The following PM20D2 variants were observed in gnomAD, a reference collection of about 807,000 sequenced individuals.
PM20D2 encodes the protein xaa-Arg dipeptidase.
In PM20D2, 33 loss-of-function variants were observed where a neutral mutation model predicts 42.9. That is an observed-to-expected ratio of 0.77 (90% confidence interval 0.58 to 1.03). PM20D2 has a LOEUF of 1.03. Ranked by LOEUF, PM20D2 falls within the 50% of genes least tolerant of loss-of-function variation. The pLI is 0.00. For synonymous variants in PM20D2, 250 were observed against 228.2 expected, an observed-to-expected ratio of 1.10 and a Z score of -0.86; for missense variants, 548 against 557.0, an observed-to-expected ratio of 0.98 and a Z score of 0.16.
intron 1 of PM20D2, 71 bp from the exon 2 acceptor site, chr6:89,149,194 C>T: frequency 6.6e-7 from 1 of 1,522,440 alleles, no homozygotes; most frequent in Non-Finnish European, 8.9e-7. Flanking sequence ...AATACATATG[C>T]AGGTGAACCT....
the PM20D2 span, chr6:89,098,932 T>C: frequency 1.2e-6 from 2 of 1,613,154 alleles, no homozygotes; most frequent in Non-Finnish European, 8.5e-7. Context: ...TATAAGAAAA[T>C]CGCCTGTGTC....
chr6:89,107,626 G>A, the PM20D2 span, among the ~76,000 whole-genome samples: 1 of 152,122 alleles, frequency 6.6e-6, no homozygotes, highest in Non-Finnish European at 1.5e-5. Context: ...AGCTACTCGG[G>A]AGGCTGAGGC....
intron 5 of PM20D2, among the ~76,000 whole-genome samples, 183 bp downstream of exon 5, chr6:89,158,643 A>G (rs529265737): frequency 6.6e-6 from 1 of 152,328 alleles, no homozygotes; most frequent in South Asian, 2.1e-4. Flanking sequence ...AGAATGTCAA[A>G]CGAGCAGACT....
the PM20D2 span, among the ~76,000 whole-genome samples, chr6:89,109,478 C>A: frequency 7.0e-4 from 106 of 152,258 alleles, no homozygotes; most frequent in South Asian, 7.1e-3. Context: ...ATCTACACAG[C>A]CAGTAGTAGA....
chr6:89,130,988 C>T, the PM20D2 span, among the ~76,000 whole-genome samples: 3 of 151,738 alleles, frequency 2.0e-5, no homozygotes, highest in African/African-American at 7.3e-5. Flanking sequence ...CAGGTGTAAA[C>T]CACTATGCCT....
chr6:89,094,210 C>T, the PM20D2 span, among the ~76,000 whole-genome samples: 25,920 of 149,780 alleles, frequency 0.17, 2,986 homozygotes, highest in Non-Finnish European at 0.26. Flanking sequence ...CATCAGCCAC[C>T]GCACCGGCCT....
chr6:89,112,573 C>T, the PM20D2 span, among the ~76,000 whole-genome samples: 3 of 148,474 alleles, frequency 2.0e-5, no homozygotes, highest in Non-Finnish European at 4.4e-5. Flanking sequence ...TCACCATGCC[C>T]GGCTAACTTT....
intron 1 of PM20D2, 58 bp from the exon 2 acceptor site, chr6:89,149,207 T>G (rs1228540697): frequency 3.2e-6 from 5 of 1,566,252 alleles, no homozygotes; most frequent in Middle Eastern, 1.7e-4. Flanking sequence ...GTGAACCTGT[T>G]TGATATATTC....
the PM20D2 span, among the ~76,000 whole-genome samples, chr6:89,109,422 T>G: frequency 1.3e-5 from 2 of 152,056 alleles, no homozygotes; most frequent in Non-Finnish European, 2.9e-5. Flanking sequence ...TGTTACCATT[T>G]AAGAGTTAAG....
At chr6:89,153,632 C>G (rs1003799694) in intron 3 of PM20D2, among the ~76,000 whole-genome samples, 15 of 152,120 alleles carry the variant, frequency 9.9e-5, no homozygotes, top group Non-Finnish European at 2.1e-4. Flanking sequence ...CAGTCTTGCT[C>G]TATTGCCCAG....
At chr6:89,111,820 A>G in the PM20D2 span, among the ~76,000 whole-genome samples, 1 of 152,102 alleles carries the variant, frequency 6.6e-6, no homozygotes, top group Admixed American at 6.5e-5. Flanking sequence ...TAGTTTGCTC[A>G]CACGTTTTGT....
chr6:89,152,002 G>A (rs1359680800), intron 2 of PM20D2, among the ~76,000 whole-genome samples: 1 of 152,082 alleles, frequency 6.6e-6, no homozygotes, highest in African/African-American at 2.4e-5. Context: ...CTGAGGCAGA[G>A]GAGGATTGCT....
chr6:89,111,151 C>A, the PM20D2 span, among the ~76,000 whole-genome samples: 273 of 151,456 alleles, frequency 1.8e-3, no homozygotes, highest in Non-Finnish European at 1.3e-3. Flanking sequence ...CTTTGTCACC[C>A]AGACTGGAGT....
chr6:89,159,848 G>A lies in PM20D2; in HGVS notation c.1048+1388G>A, dbSNP rs116967799. Among the ~76,000 whole-genome samples, 1,374 of 152,256 alleles carry A rather than the reference G, an allele frequency of 9.0e-3. 67 individuals carry two copies. The highest frequency in any genetic ancestry group is 0.069 in the Admixed American group (1,055 of 15,292). ...TTCTTTTGTTCTGGACAGCAAGAAAGCTCAGCTCAGCATGGTTCTGTTCTT... is the reference window on the plus strand; with the variant it reads ...TTCTTTTGTTCTGGACAGCAAGAAAACTCAGCTCAGCATGGTTCTGTTCTT... On this transcript the variant is annotated intron_variant, in intron 5 of 6. Coordinates refer to ENST00000275072, the MANE Select transcript of PM20D2 (RefSeq NM_001010853.3).
chr6:89,151,284 A>G (rs978310851), intron 2 of PM20D2, among the ~76,000 whole-genome samples: 30 of 144,984 alleles, frequency 2.1e-4, no homozygotes, highest in African/African-American at 7.3e-4. Flanking sequence ...AGGCTAGAGT[A>G]CAGTGGCGCA....
the PM20D2 span, chr6:89,118,047 A>AG: frequency 2.1e-6 from 1 of 487,282 alleles, no homozygotes; most frequent in East Asian, 6.3e-5. Flanking sequence ...GCCGGCGCAG[A>AG]GGGGGCGCAG....
intron 4 of PM20D2, among the ~76,000 whole-genome samples, chr6:89,155,567 G>A (rs912091423): frequency 1.6e-4 from 24 of 152,050 alleles, no homozygotes; most frequent in African/African-American, 5.6e-4. Flanking sequence ...TGGGATTATA[G>A]GCATGAACCA....
At chr6:89,114,902 T>C in the PM20D2 span, among the ~76,000 whole-genome samples, 1 of 150,578 alleles carries the variant, frequency 6.6e-6, no homozygotes, top group African/African-American at 2.4e-5. Context: ...GTTCAAGCGA[T>C]TCTCCTGTCT....
the PM20D2 span, chr6:89,097,857 G>C: frequency 6.6e-6 from 1 of 152,286 alleles, no homozygotes; most frequent in East Asian, 1.9e-4. Context: ...TTTGGATTGT[G>C]AGTGTTGCTC....
Sources: gnomAD v4.1 joint callset for allele counts (sites outside exome capture counted in the v4.1 genomes callset) on GRCh38, gnomAD v4.1.1 for gene constraint, MANE v1.5 for transcripts, NCBI Gene and HGNC (gene_info 2026-07-23, HGNC 2026-07-21) for gene names.